Variants in B4GALT5 observed in about 807,000 individuals in gnomAD.
The protein encoded by B4GALT5 is UDP-Gal:beta-GlcNAc beta-1,4-galactosyltransferase 5.
A neutral mutation model predicts 45.0 loss-of-function variants in B4GALT5; 11 were observed. The ratio of observed to expected loss-of-function variants is 0.24; its 90% CI spans 0.15 to 0.40. B4GALT5 has a LOEUF of 0.40. Among genes scored for constraint, B4GALT5 ranks in the 10% least tolerant of loss-of-function variants. The pLI, the probability that B4GALT5 is intolerant of heterozygous loss-of-function variation, is 1.00. For missense variants in B4GALT5, 337 were observed against 500.2 expected, an observed-to-expected ratio of 0.67 and a Z score of 3.11; for synonymous variants, 185 against 182.9, an observed-to-expected ratio of 1.01 and a Z score of -0.09.
At chr20:49,687,006 AG>A (rs1430492522) in intron 1 of B4GALT5, among the ~76,000 whole-genome samples, 2 of 152,166 alleles carry the variant, frequency 1.3e-5, no homozygotes, top group African/African-American at 4.8e-5. Context: ...ATATCAAATT[AG>A]GAAAACTATT....
intron 1 of B4GALT5, among the ~76,000 whole-genome samples, chr20:49,678,554 T>C (rs1198879046): frequency 1.3e-5 from 2 of 152,138 alleles, no homozygotes; most frequent in Non-Finnish European, 2.9e-5. Context: ...GGCCAAGATA[T>C]CTTGAAAGAA....
At chr20:49,654,595 G>A (rs1452066782) in intron 2 of B4GALT5, among the ~76,000 whole-genome samples, 2 of 152,188 alleles carry the variant, frequency 1.3e-5, no homozygotes, top group Admixed American at 6.5e-5. Flanking sequence ...TTCTTTTAAG[G>A]AGAGGCAATT....
At chr20:49,703,346 A>G (rs1054208462) in intron 1 of B4GALT5, among the ~76,000 whole-genome samples, 1 of 152,144 alleles carries the variant, frequency 6.6e-6, no homozygotes, top group African/African-American at 2.4e-5. Context: ...GTCACTTCAA[A>G]ATCAGGATTA....
intron 1 of B4GALT5, among the ~76,000 whole-genome samples, chr20:49,701,526 G>A (rs1233353218): frequency 2.0e-5 from 3 of 152,074 alleles, no homozygotes; most frequent in Non-Finnish European, 4.4e-5. Flanking sequence ...GTCATCTAGG[G>A]ACCATCTTGG....
At chr20:49,667,156 C>T (rs887229001) in intron 1 of B4GALT5, among the ~76,000 whole-genome samples, 4 of 152,098 alleles carry the variant, frequency 2.6e-5, no homozygotes, top group African/African-American at 9.7e-5. Context: ...CTCTCAGATG[C>T]TCAATCCCCT....
intron 1 of B4GALT5, among the ~76,000 whole-genome samples, chr20:49,668,553 C>A (rs1370257080): frequency 1.4e-5 from 2 of 139,104 alleles, no homozygotes; most frequent in African/African-American, 5.5e-5. Context: ...TCCATTGAAA[C>A]TGAACACGTA....
At chr20:49,679,711 T>C (rs2085756672) in intron 1 of B4GALT5, among the ~76,000 whole-genome samples, 1 of 152,088 alleles carries the variant, frequency 6.6e-6, no homozygotes, top group Non-Finnish European at 1.5e-5. Context: ...AAACCTTGTT[T>C]CACACATCAG....
At chr20:49,671,626 G>A (rs554219992) in intron 1 of B4GALT5, among the ~76,000 whole-genome samples, 3 of 152,266 alleles carry the variant, frequency 2.0e-5, no homozygotes, top group East Asian at 1.9e-4. Context: ...CATCTGGGTT[G>A]TCTTTTCTTT....
intron 2 of B4GALT5, among the ~76,000 whole-genome samples, chr20:49,656,038 T>C (rs2085641481): frequency 6.6e-6 from 1 of 152,078 alleles, no homozygotes; most frequent in East Asian, 1.9e-4. Flanking sequence ...TCCCCAATGA[T>C]GGAGGTGGGG....
chr20:49,652,522 G>A (rs192290815), intron 2 of B4GALT5, among the ~76,000 whole-genome samples: 1 of 150,002 alleles, frequency 6.7e-6, no homozygotes, highest in Non-Finnish European at 1.5e-5. Flanking sequence ...CTACAGACTG[G>A]ACATCTAAAA....
chr20:49,636,907 G>GAAACACACACAC (rs147426511), intron 8 of B4GALT5, among the ~76,000 whole-genome samples: 1 of 146,388 alleles, frequency 6.8e-6, no homozygotes, highest in Non-Finnish European at 1.5e-5. Context: ...ATTTAGAAAA[G>GAAACACACACAC]ACACACACAC....
chr20:49,645,796 C>T lies in B4GALT5; in HGVS notation c.364+1169G>A, dbSNP rs1261245798. Among the ~76,000 whole-genome samples, 5 of 151,926 alleles carry T rather than the reference C, an allele frequency of 3.3e-5. No homozygotes were observed. The East Asian group carries it at 7.7e-4, about 23-fold the overall frequency. On this transcript the variant is annotated intron_variant, in intron 3 of 8. Transcript: ENST00000371711. Reference sequence around the variant, plus strand: ...ATACAATTATGTAGAGTACATTATACTAGATAATGATAATAAACTATGTTA... The same window carrying T: ...ATACAATTATGTAGAGTACATTATATTAGATAATGATAATAAACTATGTTA...
intron 1 of B4GALT5, among the ~76,000 whole-genome samples, chr20:49,693,653 T>C (rs1461589335): frequency 6.6e-6 from 1 of 152,230 alleles, no homozygotes; most frequent in African/African-American, 2.4e-5. Context: ...TGGTTACATA[T>C]CATCAAGAAA....
rs1272286777 is a variant in B4GALT5, at chr20:49,634,876, C to T, written c.*1436G>A. 6.6e-6 allele frequency: 1 copy of T among 152,188 alleles called. No homozygotes were observed. The highest frequency in any genetic ancestry group is 1.5e-5 in the Non-Finnish European group (1 of 68,084). 9.4% of individuals were successfully genotyped at this position (152,188 alleles called of 1,614,324 possible). A position where few individuals can be genotyped will look rare whatever the true frequency, so the allele number is the denominator to read the frequency against. On this transcript the variant is annotated 3_prime_UTR_variant, in exon 9 of 9. Transcript: ENST00000371711. The stretch of plus-strand genomic sequence containing the variant: ...AGCCAGACCGTCTTAAAAAACAAAA[C>T]AAAAAATAATATGACTTCAAAATGC...
chr20:49,646,956 T>C lies in B4GALT5; in HGVS notation c.364+9A>G. On this transcript the variant is annotated intron_variant, in intron 3 of 8. Coordinates refer to ENST00000371711, the MANE Select transcript of B4GALT5 (RefSeq NM_004776.4). Reference sequence around the variant, plus strand: ...AAAGCAGAGGAAGACAGGCCAGAGCTGTACTCACTCATGGAAGGGAGTCTT... The same window carrying C: ...AAAGCAGAGGAAGACAGGCCAGAGCCGTACTCACTCATGGAAGGGAGTCTT... The C allele has an allele frequency of 6.4e-7, 1 of 1,560,388 alleles. No individual in the cohort carries two copies. The highest frequency in any genetic ancestry group is 1.4e-5 in the African/African-American group (1 of 73,978).
At chr20:49,709,119 T>C (rs1250042197) in intron 1 of B4GALT5, among the ~76,000 whole-genome samples, 1 of 152,128 alleles carries the variant, frequency 6.6e-6, no homozygotes, top group African/African-American at 2.4e-5. Context: ...TATTTATAAA[T>C]AGCTCGCTTC....
At position 49,639,716 on chromosome 20, in the gene B4GALT5, GA is replaced by G. The variant is rs755181404; in HGVS notation, c.878del (p.Phe293SerfsTer22). 1 of 1,613,730 alleles carries G rather than the reference GA, an allele frequency of 6.2e-7. No homozygotes were observed. Among genetic ancestry groups the G allele is most frequent in the South Asian group, 1.1e-5 (1 of 91,078 alleles). ...CGTCATCTTCTCCACCCCAACCCCA[GA>G]AAGCATTAGGAAAGCCATTGATTTT... Reference protein sequence around the residue: ...FRKINGFPNAFWGWGGEDDDL... With the variant: ...FRKINGFPNAXWGWGGEDDDL... On this transcript the variant is annotated frameshift_variant, in exon 7 of 9. Transcript: ENST00000371711. LOFTEE classifies it high-confidence loss of function.
At chr20:49,673,195 C>T (rs558994062) in intron 1 of B4GALT5, among the ~76,000 whole-genome samples, 1 of 152,244 alleles carries the variant, frequency 6.6e-6, no homozygotes, top group Admixed American at 6.5e-5. Context: ...GCCTGGCCAA[C>T]ATGGTGAAAC....
chr20:49,671,107 G>A (rs867657346), intron 1 of B4GALT5, among the ~76,000 whole-genome samples: 6 of 152,146 alleles, frequency 3.9e-5, no homozygotes, highest in African/African-American at 9.7e-5. Context: ...GGCCAGGCAC[G>A]GTGGCTCATG....
Sources: allele counts gnomAD v4.1 joint callset (sites outside exome capture counted in the v4.1 genomes callset), GRCh38; gene constraint gnomAD v4.1.1; transcripts MANE v1.5; gene names NCBI Gene and HGNC (gene_info 2026-07-23, HGNC 2026-07-21).